CCDC83: variants seen among roughly 807,000 people sequenced by gnomAD.
CCDC83 encodes coiled-coil domain-containing protein 83.
CCDC83 carries 54 observed loss-of-function variants against 50.1 expected under a neutral mutation model. The ratio of observed to expected loss-of-function variants is 1.08; its 90% CI spans 0.87 to 1.35. CCDC83 has a LOEUF of 1.35. CCDC83 is among the 40% of genes most tolerant of loss of function. The pLI is 0.00. For missense variants in CCDC83, 518 were observed against 473.9 expected (o/e 1.09, Z -0.86); for synonymous variants, 161 against 153.3 (o/e 1.05, Z -0.37).
At chr11:85,880,027 T>C (rs539629809) in intron 3 of CCDC83, among the ~76,000 whole-genome samples, 1 of 152,334 alleles carries the variant, frequency 6.6e-6, no homozygotes, top group Non-Finnish European at 1.5e-5. Flanking sequence ...CGTCTTGAAA[T>C]AAGGTAAATT....
chr11:85,869,045 AACAAAT>A (rs1192098980), intron 2 of CCDC83, among the ~76,000 whole-genome samples: 4 of 152,236 alleles, frequency 2.6e-5, no homozygotes, highest in African/African-American at 9.6e-5. Flanking sequence ...CACTCATGAA[AACAAAT>A]ACAATGTTAT....
rs185200529 is a variant in CCDC83 at position 85,894,027 on chromosome 11, G to A, written c.512-1266G>A. Among the ~76,000 whole-genome samples, 894 of 152,156 alleles carry A rather than the reference G, an allele frequency of 5.9e-3. 2 individuals are homozygous for A. Among genetic ancestry groups the A allele is most frequent in the Non-Finnish European group, 9.7e-3 (659 of 68,014 alleles). On this transcript the variant is annotated intron_variant, in intron 5 of 10. Transcript: ENST00000342404. Reference sequence around the variant, plus strand: ...TCCCACTGATTCTACATTATAGTGAGTTGTATAATTATTTCATTATATATT... The same window carrying A: ...TCCCACTGATTCTACATTATAGTGAATTGTATAATTATTTCATTATATATT...
chr11:85,915,816 C>A (rs2093474876), intron 9 of CCDC83, among the ~76,000 whole-genome samples: 1 of 152,142 alleles, frequency 6.6e-6, no homozygotes, highest in Non-Finnish European at 1.5e-5. Context: ...TATACTTAGG[C>A]ACCAATATAA....
intron 7 of CCDC83, among the ~76,000 whole-genome samples, chr11:85,906,822 C>T (rs568469409): frequency 6.9e-6 from 1 of 145,886 alleles, no homozygotes; most frequent in Non-Finnish European, 1.6e-5. Context: ...AAGGTTGAGG[C>T]TGTAGTAAGC....
chr11:85,912,450 C>T (rs2093458924), intron 8 of CCDC83, among the ~76,000 whole-genome samples: 2 of 152,200 alleles, frequency 1.3e-5, no homozygotes, highest in South Asian at 2.1e-4. Flanking sequence ...GGCCATCTGC[C>T]CCCTTTGCAT....
chr11:85,913,011 T>C (rs1388142465), intron 8 of CCDC83, among the ~76,000 whole-genome samples: 1 of 152,202 alleles, frequency 6.6e-6, no homozygotes. Context: ...CATTGAGTTG[T>C]TTACTGTGCA....
At chr11:85,885,837 T>C (rs751435802) in intron 4 of CCDC83, among the ~76,000 whole-genome samples, 18 of 152,154 alleles carry the variant, frequency 1.2e-4, no homozygotes, top group Non-Finnish European at 2.6e-4. Flanking sequence ...AAAATGACAA[T>C]TTCCTAATAA....
chr11:85,877,878 TAGTAGCAGAGCAATAGTTTGGCA>T (rs2093277514), intron 3 of CCDC83, among the ~76,000 whole-genome samples: 1 of 152,184 alleles, frequency 6.6e-6, no homozygotes, highest in African/African-American at 2.4e-5. Flanking sequence ...TAAGAAAAAG[TAGTAGCAGAGCAATAGTTTGGCA>T]AGTGATATTT....
intron 7 of CCDC83, among the ~76,000 whole-genome samples, chr11:85,901,641 CA>C (rs61687599): frequency 3.6e-3 from 439 of 122,042 alleles, no homozygotes; most frequent in Admixed American, 6.3e-3. Context: ...GACCACAATA[CA>C]AAAAAAAAAA....
intron 7 of CCDC83, among the ~76,000 whole-genome samples, 185 bp from the exon 8 acceptor site, chr11:85,911,096 A>C (rs1260135731): frequency 2.0e-5 from 3 of 151,550 alleles, no homozygotes; most frequent in Non-Finnish European, 4.4e-5. Context: ...GCTTGAACCC[A>C]GGAGGTAGAG....
At chr11:85,909,082 C>T (rs2093440252) in intron 7 of CCDC83, among the ~76,000 whole-genome samples, 1 of 152,166 alleles carries the variant, frequency 6.6e-6, no homozygotes, top group African/African-American at 2.4e-5. Flanking sequence ...TACAGGTGCA[C>T]ACCACTACGC....
chr11:85,881,203 T>C (rs1439940228), intron 3 of CCDC83, among the ~76,000 whole-genome samples: 2 of 152,122 alleles, frequency 1.3e-5, no homozygotes, highest in South Asian at 2.1e-4. Context: ...ATCCCGTCTC[T>C]ACTAAAAATA....
chr11:85,875,154 G>A (rs141037331), intron 3 of CCDC83, among the ~76,000 whole-genome samples: 36 of 152,360 alleles, frequency 2.4e-4, no homozygotes, highest in Non-Finnish European at 4.4e-4. Context: ...TAGAGACTGT[G>A]TGCTGATTGG....
intron 3 of CCDC83, among the ~76,000 whole-genome samples, 188 bp downstream of exon 3, chr11:85,873,483 T>C (rs1021323059): frequency 6.6e-6 from 1 of 152,226 alleles, no homozygotes; most frequent in East Asian, 1.9e-4. Context: ...TCCCATTATA[T>C]TAGTTATAAT....
At chr11:85,899,056 A>G (rs763981874) in intron 7 of CCDC83, 41 bp downstream of exon 7, 71 of 1,455,342 alleles carry the variant, frequency 4.9e-5, no homozygotes, top group Admixed American at 2.2e-4. Flanking sequence ...CTTCGTTCTC[A>G]TTTTTTTAAG....
intron 10 of CCDC83, among the ~76,000 whole-genome samples, chr11:85,918,460 T>C (rs1049040685): frequency 6.6e-6 from 1 of 152,176 alleles, no homozygotes; most frequent in Non-Finnish European, 1.5e-5. Context: ...AGTTATGGCA[T>C]GGGAGACTTC....
chr11:85,901,901 C>T (rs545495144), intron 7 of CCDC83, among the ~76,000 whole-genome samples: 1 of 151,900 alleles, frequency 6.6e-6, no homozygotes, highest in East Asian at 1.9e-4. Context: ...CATGGTGGTG[C>T]AGGCCTGTGG....
chr11:85,909,559 A>T (rs1287167226), intron 7 of CCDC83, among the ~76,000 whole-genome samples: 1 of 138,502 alleles, frequency 7.2e-6, no homozygotes, highest in Non-Finnish European at 1.5e-5. Flanking sequence ...ATTCTTCTAT[A>T]TACTCTTCCC....
intron 8 of CCDC83, chr11:85,912,582 G>A (rs1001522090): frequency 1.4e-4 from 130 of 900,302 alleles, no homozygotes; most frequent in Middle Eastern, 2.2e-4. Flanking sequence ...AGGGCCCCTA[G>A]GGGTAGGTGC....
Sources: gnomAD v4.1 joint callset for allele counts (sites outside exome capture counted in the v4.1 genomes callset) on GRCh38, gnomAD v4.1.1 for gene constraint, MANE v1.5 for transcripts, NCBI Gene and HGNC (gene_info 2026-07-23, HGNC 2026-07-21) for gene names.